SH3TC2: variants seen among roughly 807,000 people sequenced by gnomAD.
SH3TC2 encodes the protein SH3 domain and tetratricopeptide repeat-containing protein 2.
SH3TC2 carries 87 observed loss-of-function variants against 124.5 expected under a neutral mutation model. The ratio of observed to expected loss-of-function variants is 0.70; its 90% confidence interval spans 0.59 to 0.84. The LOEUF is 0.84. Ranked by LOEUF, SH3TC2 falls within the 40% of genes least tolerant of loss-of-function variation. SH3TC2 has a pLI of 0.00. For synonymous variants in SH3TC2, 634 were observed against 628.5 expected, an observed-to-expected ratio of 1.01 and a Z score of -0.13; for missense variants, 1,536 against 1,566.4, an observed-to-expected ratio of 0.98 and a Z score of 0.33.
intron 13 of SH3TC2, among the ~76,000 whole-genome samples, chr5:149,010,808 T>C (rs1251528970): frequency 6.6e-6 from 1 of 152,108 alleles, no homozygotes; most frequent in Non-Finnish European, 1.5e-5. Context: ...TAAACAATGG[T>C]ATAGAAGGTA....
chr5:149,021,955 C>G (rs1318336652), intron 12 of SH3TC2, among the ~76,000 whole-genome samples: 1 of 28,150 alleles, frequency 3.6e-5, no homozygotes, highest in South Asian at 1.4e-3. Flanking sequence ...GCTCTGTCGC[C>G]CAGGCTGGAG....
At chr5:149,025,064 C>T (rs1754040966) in intron 12 of SH3TC2, among the ~76,000 whole-genome samples, 1 of 152,128 alleles carries the variant, frequency 6.6e-6, no homozygotes, top group African/African-American at 2.4e-5. Context: ...CCTACAATAC[C>T]TCACCATGAG....
At chr5:149,019,277 G>A (rs547602791) in intron 12 of SH3TC2, among the ~76,000 whole-genome samples, 16 of 152,274 alleles carry the variant, frequency 1.1e-4, no homozygotes, top group African/African-American at 3.4e-4. Flanking sequence ...TGTGTCTGTA[G>A]TTGGTCTTTG....
Position 149,044,600 on chromosome 5 carries a change from C to A in SH3TC2, c.318G>T (p.Arg106Ser). ...SARLVSIQSQ[R>S]AQFLITFKTM... ...TCTTGAAGGTGATGAGAAACTGGGCCCTCTGAGACTGGATACTGACCAACC... is the reference window on the plus strand; with the variant it reads ...TCTTGAAGGTGATGAGAAACTGGGCACTCTGAGACTGGATACTGACCAACC... Residue 106 changes from arginine to serine, a missense_variant, in exon 4 of 17, where the codon AGG becomes AGT. Physicochemically the swap from Arg to Ser is moderately radical, Grantham distance 110. Around this residue, in one of 3 missense-constraint regions of SH3TC2, gnomAD observed 1,102 missense variants for 1,098.6 expected, o/e 1.00. Transcript: ENST00000515425. 6.2e-7 allele frequency: 1 copy of A among 1,613,928 alleles called. No individual in the cohort carries two copies. The highest frequency in any genetic ancestry group is 8.5e-7 in the Non-Finnish European group (1 of 1,179,948).
intron 12 of SH3TC2, among the ~76,000 whole-genome samples, chr5:149,024,618 C>G (rs1754033290): frequency 6.6e-6 from 1 of 152,162 alleles, no homozygotes; most frequent in Non-Finnish European, 1.5e-5. Context: ...GGAAAAGTGA[C>G]TTATTTAAGG....
intron 12 of SH3TC2, among the ~76,000 whole-genome samples, chr5:149,023,688 T>C (rs1754016347): frequency 1.3e-5 from 2 of 150,256 alleles, no homozygotes; most frequent in Admixed American, 1.3e-4. Context: ...GTTCAAGCGA[T>C]TCTCCTGCCT....
rs1009412967 is a variant in SH3TC2 at position 148,985,252 on chromosome 5, A to G, written c.*19459T>C. On this transcript the variant is annotated 3_prime_UTR_variant, in exon 17 of 17. Transcript: ENST00000515425. ...TGTTATGAAGGTATAATTTATATAT[A>G]ATAAAATTCATTATTTTTTAGTTAC... Among the ~76,000 whole-genome samples, 5 of 152,240 alleles carry G rather than the reference A, an allele frequency of 3.3e-5. No individual in the cohort carries two copies. The highest frequency in any genetic ancestry group is 1.2e-4 in the African/African-American group (5 of 41,560).
intron 12 of SH3TC2, among the ~76,000 whole-genome samples, chr5:149,015,769 T>C (rs899429708): frequency 1.3e-5 from 2 of 152,200 alleles, no homozygotes; most frequent in Non-Finnish European, 2.9e-5. Context: ...TGAGTCTGTC[T>C]AACCTCTGGC....
chr5:149,027,321 C>T lies in SH3TC2; in HGVS notation c.2411G>A (p.Trp804Ter). The part of the protein sequence containing the change: ...ESFESSLCLA[W>*]AYLLASQAKK... ...GGCCTGGCTGGCTAAGAGATAGGCCCATGCCAGGCAGAGAGAAGACTCAAA... is the reference window on the plus strand; with the variant it reads ...GGCCTGGCTGGCTAAGAGATAGGCCTATGCCAGGCAGAGAGAAGACTCAAA... The change falls in exon 11 of 17, where the codon TGG becomes TAG. Residue 804 changes from tryptophan (W) to a stop codon, truncating the protein, a stop_gained. Transcript: ENST00000515425. LOFTEE classifies it high-confidence loss of function. 2 of 1,614,042 alleles carry T rather than the reference C, an allele frequency of 1.2e-6. No individual in the cohort carries two copies. Among genetic ancestry groups the T allele is most frequent in the Non-Finnish European group, 1.7e-6 (2 of 1,180,058 alleles).
chr5:149,038,235 G>A, intron 8 of SH3TC2, 60 bp downstream of exon 8: 3 of 1,568,018 alleles, frequency 1.9e-6, no homozygotes, highest in Non-Finnish European at 2.6e-6. Context: ...TGCTCAAAGA[G>A]GGGAGGGAAC....
In SH3TC2 at chr5:148,992,600, G is replaced by GTTTTTTTTTTTTTT. The variant is rs35182601; in HGVS notation, c.*12097_*12110dup. ...ATAATTCCAAGAAGAGATTTCATTG[G>GTTTTTTTTTTTTTT]TTTTTTTTTTTTTTTTTTTTTTCAG... is the stretch of plus-strand genomic sequence containing the variant. On this transcript the variant is annotated 3_prime_UTR_variant, in exon 17 of 17. Coordinates refer to ENST00000515425, the MANE Select transcript of SH3TC2 (RefSeq NM_024577.4). Among the ~76,000 whole-genome samples the GTTTTTTTTTTTTTT allele has an allele frequency of 9.8e-6, 1 of 102,500 alleles. No homozygotes were observed. The highest frequency in any genetic ancestry group is 3.5e-4 in the East Asian group (1 of 2,866). 67.2% of individuals were successfully genotyped at this position (102,500 alleles called of 152,430 possible). A position where few individuals can be genotyped will look rare whatever the true frequency, so the allele number is the denominator to read the frequency against.
chr5:149,041,564 C>T lies in SH3TC2; in HGVS notation c.583G>A (p.Gly195Arg). The T allele has an allele frequency of 6.2e-7, 1 of 1,614,222 alleles. No homozygotes were observed. Among genetic ancestry groups the T allele is most frequent in the African/African-American group, 1.3e-5 (1 of 75,060 alleles). ...TTCTTGCAAAGTGTCAAGCATTCCC[C>T]TTCCTTCTCGGCTGGTGGAGTCACG... is the stretch of plus-strand genomic sequence containing the variant. ...CSVTPPAEKE[G>R]ECLTLCKNEL... The change falls in exon 6 of 17, where the codon GGG becomes AGG. Residue 195 changes from glycine to arginine, a missense_variant. This residue lies in a region of SH3TC2 where 1,102 missense variants were observed against 1,098.6 expected (regional missense o/e 1.00). Coordinates refer to ENST00000515425, the MANE Select transcript of SH3TC2 (RefSeq NM_024577.4).
Position 149,002,212 on chromosome 5 carries a change from T to C in SH3TC2, c.*2499A>G, listed in dbSNP as rs1753608903. 1 of 152,694 alleles carries C rather than the reference T, an allele frequency of 6.5e-6. No homozygotes were observed. The highest frequency in any genetic ancestry group is 1.5e-5 in the Non-Finnish European group (1 of 68,060). 9.5% of individuals were successfully genotyped at this position (152,694 alleles called of 1,614,324 possible). ...AGATGGGGAATGGCCAGTGGCATGG[T>C]TTCCAGGGCTGTGTGAGCCTTCTTC... On this transcript the variant is annotated 3_prime_UTR_variant, in exon 17 of 17. Transcript: ENST00000515425.
At chr5:149,040,583 A>G in intron 7 of SH3TC2, 21 bp downstream of exon 7, 3 of 1,603,754 alleles carry the variant, frequency 1.9e-6, no homozygotes, top group Non-Finnish European at 2.6e-6. Context: ...TAACAATACT[A>G]TGTTTTTGAC....
In SH3TC2 at chr5:148,985,672, G is replaced by A. The variant is rs1185747437; in HGVS notation, c.*19039C>T. Among the ~76,000 whole-genome samples the A allele has an allele frequency of 5.9e-5, 9 of 152,234 alleles. No homozygotes were observed. In the South Asian group the frequency reaches 8.3e-4, roughly 14 times the overall value. ...ATGAATAAATCCACTCTAAACATTT[G>A]TGTATAGGCTTTTGTATACATAAGT... On this transcript the variant is annotated 3_prime_UTR_variant, in exon 17 of 17. Transcript: ENST00000515425.
intron 1 of SH3TC2, among the ~76,000 whole-genome samples, chr5:149,060,337 G>A (rs992347423): frequency 6.6e-6 from 1 of 152,178 alleles, no homozygotes; most frequent in African/African-American, 2.4e-5. Flanking sequence ...AGAGATGATA[G>A]CAACTGATCA....
Position 148,993,803 on chromosome 5 carries a change from C to G in SH3TC2, c.*10908G>C, listed in dbSNP as rs968924649. On this transcript the variant is annotated 3_prime_UTR_variant, in exon 17 of 17. Coordinates refer to ENST00000515425, the MANE Select transcript of SH3TC2 (RefSeq NM_024577.4). ...CCCAGATTACATTCCTCTAAGCATG[C>G]CTTAACCCCACAGGTTCAACAAAGA... is the stretch of plus-strand genomic sequence containing the variant. 6.6e-6 allele frequency among the ~76,000 whole-genome samples: 1 copy of G among 152,158 alleles called. No individual in the cohort carries two copies. The highest frequency in any genetic ancestry group is 2.4e-5 in the African/African-American group (1 of 41,452).
At chr5:149,021,080 A>C (rs1398669972) in intron 12 of SH3TC2, among the ~76,000 whole-genome samples, 1 of 152,164 alleles carries the variant, frequency 6.6e-6, no homozygotes, top group African/African-American at 2.4e-5. Flanking sequence ...AAATCATGCA[A>C]AGTTTGTTTT....
chr5:149,006,079 T>G (rs968677292), intron 16 of SH3TC2: 1 of 152,466 alleles, frequency 6.6e-6, no homozygotes, highest in Non-Finnish European at 1.5e-5. Context: ...GGCAACATGA[T>G]GAAACCCCAT....
Sources: allele counts gnomAD v4.1 joint callset (sites outside exome capture counted in the v4.1 genomes callset), GRCh38; gene constraint gnomAD v4.1.1; regional missense constraint gnomAD v4.1.1; transcripts MANE v1.5; gene names NCBI Gene and HGNC (gene_info 2026-07-23, HGNC 2026-07-21).